The following CCSER1 variants were observed in gnomAD, a reference collection of about 807,000 sequenced individuals.
CCSER1 encodes the protein serine-rich coiled-coil domain-containing protein 1.
CCSER1 carries 41 observed loss-of-function variants against 82.0 expected under a neutral mutation model. The ratio of observed to expected loss-of-function variants is 0.50; its 90% CI spans 0.39 to 0.65. The LOEUF (loss-of-function observed/expected upper bound fraction) is 0.65, where lower values mean the gene tolerates loss of function less well. CCSER1 is among the 30% of genes least tolerant of loss of function. CCSER1 has a pLI of 0.00. For missense variants in CCSER1, 1,119 were observed against 1,064.2 expected, an observed-to-expected ratio of 1.05 and a Z score of -0.72; for synonymous variants, 414 against 383.9, an observed-to-expected ratio of 1.08 and a Z score of -0.92.
chr4:90,730,577 T>C (rs915335620), intron 7 of CCSER1, among the ~76,000 whole-genome samples: 23 of 140,120 alleles, frequency 1.6e-4, no homozygotes, highest in African/African-American at 6.4e-4. Flanking sequence ...CAAATAAATA[T>C]ATAAAATGTC....
At chr4:90,714,433 A>G (rs1305990514) in intron 6 of CCSER1, among the ~76,000 whole-genome samples, 4 of 151,996 alleles carry the variant, frequency 2.6e-5, no homozygotes, top group African/African-American at 9.7e-5. Flanking sequence ...GACTGGTTGG[A>G]CACTGCTGAA....
chr4:90,595,187 G>A (rs1035850878), intron 5 of CCSER1, among the ~76,000 whole-genome samples: 1 of 151,902 alleles, frequency 6.6e-6, no homozygotes, highest in Non-Finnish European at 1.5e-5. Flanking sequence ...AGTCAGAAAC[G>A]TGTAGAATAT....
Position 90,801,030 on chromosome 4 carries a change from C to A in CCSER1, c.2011-14732C>A, listed in dbSNP as rs1034594619. On this transcript the variant is annotated intron_variant, in intron 7 of 10. Transcript: ENST00000509176. ...ACATTACATTAGAAAAGTTGTACAACCTCATTATTTTTTATTGTTAGTTCA... is the reference window on the plus strand; with the variant it reads ...ACATTACATTAGAAAAGTTGTACAAACTCATTATTTTTTATTGTTAGTTCA... 4.6e-5 allele frequency among the ~76,000 whole-genome samples: 7 copies of A among 152,106 alleles called. No homozygotes were observed. The East Asian group carries it at 1.4e-3, about 29-fold the overall frequency.
chr4:91,526,019 T>C (rs1281952722), intron 10 of CCSER1, among the ~76,000 whole-genome samples: 1 of 152,210 alleles, frequency 6.6e-6, no homozygotes, highest in Non-Finnish European at 1.5e-5. Context: ...TATCTTGAAA[T>C]AGCCCTGCAA....
At chr4:91,053,395 G>A (rs910254959) in intron 9 of CCSER1, among the ~76,000 whole-genome samples, 1 of 152,110 alleles carries the variant, frequency 6.6e-6, no homozygotes, top group Non-Finnish European at 1.5e-5. Flanking sequence ...GTCAAGCTAT[G>A]GTGGAACATG....
chr4:90,824,191 C>T (rs1760132729), intron 8 of CCSER1, among the ~76,000 whole-genome samples: 1 of 151,954 alleles, frequency 6.6e-6, no homozygotes, highest in Admixed American at 6.6e-5. Flanking sequence ...TGTGTTCTCA[C>T]TCAAAGCAAA....
At chr4:91,074,052 A>G (rs1721704879) in intron 9 of CCSER1, among the ~76,000 whole-genome samples, 1 of 152,036 alleles carries the variant, frequency 6.6e-6, no homozygotes, top group South Asian at 2.1e-4. Flanking sequence ...GTGTTTTACG[A>G]CTCTTGTCGT....
At chr4:90,303,329 G>A (rs931377877) in intron 1 of CCSER1, among the ~76,000 whole-genome samples, 9 of 152,110 alleles carry the variant, frequency 5.9e-5, no homozygotes, top group African/African-American at 2.2e-4. Flanking sequence ...CCAAAAAAGA[G>A]CCTGCATCGC....
At chr4:90,992,845 G>A (rs542753254) in intron 9 of CCSER1, among the ~76,000 whole-genome samples, 11 of 152,022 alleles carry the variant, frequency 7.2e-5, no homozygotes, top group African/African-American at 2.4e-4. Flanking sequence ...GACCACAGAC[G>A]ATAGGTGCTA....
At chr4:90,744,834 T>C (rs1347788010) in intron 7 of CCSER1, among the ~76,000 whole-genome samples, 1 of 152,144 alleles carries the variant, frequency 6.6e-6, no homozygotes, top group Admixed American at 6.6e-5. Flanking sequence ...AGTTTCATCC[T>C]GAAACAAGTC....
At chr4:90,390,234 T>C (rs939897919) in intron 3 of CCSER1, among the ~76,000 whole-genome samples, 1 of 152,198 alleles carries the variant, frequency 6.6e-6, no homozygotes, top group African/African-American at 2.4e-5. Context: ...CATTTACATC[T>C]TTTTGTGTGT....
intron 10 of CCSER1, among the ~76,000 whole-genome samples, chr4:91,359,415 G>A (rs574062439): frequency 1.7e-4 from 26 of 151,928 alleles, no homozygotes; most frequent in African/African-American, 6.3e-4. Context: ...AAAACAATAT[G>A]AGAGGGTCTC....
At chr4:90,766,784 AATAACTCAT>A (rs1415823450) in intron 7 of CCSER1, among the ~76,000 whole-genome samples, 2 of 152,192 alleles carry the variant, frequency 1.3e-5, no homozygotes, top group Non-Finnish European at 2.9e-5. Context: ...ACATTTTGGC[AATAACTCAT>A]ACATATTTTC....
chr4:90,708,002 A>G (rs755452177), intron 6 of CCSER1, among the ~76,000 whole-genome samples: 2 of 152,172 alleles, frequency 1.3e-5, no homozygotes, highest in Non-Finnish European at 2.9e-5. Flanking sequence ...TCAGTGCTCT[A>G]TCAGCCAAAT....
intron 10 of CCSER1, among the ~76,000 whole-genome samples, chr4:91,218,123 G>A (rs1737425948): frequency 6.6e-6 from 1 of 152,228 alleles, no homozygotes; most frequent in East Asian, 1.9e-4. Flanking sequence ...CCGTGGGAAG[G>A]CAGCTAAGGC....
At chr4:91,108,129 T>C (rs766003624) in intron 10 of CCSER1, 2 of 152,220 alleles carry the variant, frequency 1.3e-5, no homozygotes, top group Non-Finnish European at 2.9e-5. Flanking sequence ...GTTAACAATA[T>C]AGTAAATTAA....
intron 3 of CCSER1, among the ~76,000 whole-genome samples, chr4:90,365,665 A>C (rs1746160978): frequency 6.6e-6 from 1 of 151,900 alleles, no homozygotes; most frequent in Admixed American, 6.6e-5. Context: ...ATTTTGAAAT[A>C]CTTGAAGAAT....
intron 6 of CCSER1, among the ~76,000 whole-genome samples, chr4:90,648,289 G>GAAAGAAAGA (rs1314006588): frequency 1.1e-5 from 1 of 90,624 alleles, no homozygotes; most frequent in Non-Finnish European, 2.3e-5. Flanking sequence ...AGAAAGGAAA[G>GAAAGAAAGA]AAAGAAAGAA....
rs1291461378 is a variant in CCSER1, at chr4:90,472,382, C to T, written c.1724+4028C>T. Reference sequence around the variant, plus strand: ...CTGATGATAAATATTTTACTTTTGACTTTTTTTATTAAATATTCTCATGTA... The same window carrying T: ...CTGATGATAAATATTTTACTTTTGATTTTTTTTATTAAATATTCTCATGTA... On this transcript the variant is annotated intron_variant, in intron 5 of 10. Coordinates refer to ENST00000509176, the MANE Select transcript of CCSER1 (RefSeq NM_001145065.2). Among the ~76,000 whole-genome samples the T allele has an allele frequency of 2.6e-5, 4 of 152,102 alleles. No homozygotes were observed. In the South Asian group the frequency reaches 6.2e-4, roughly 24 times the overall value.
Sources: allele counts gnomAD v4.1 joint callset (sites outside exome capture counted in the v4.1 genomes callset), GRCh38; gene constraint gnomAD v4.1.1; transcripts MANE v1.5; gene names NCBI Gene and HGNC (gene_info 2026-07-23, HGNC 2026-07-21).